ERP44: variants seen among roughly 807,000 people sequenced by gnomAD.
ERP44 encodes endoplasmic reticulum resident protein 44.
Under a neutral mutation model 53.4 loss-of-function variants are expected in ERP44, and 25 were observed. The observed-to-expected ratio is 0.47, with a 90% CI of 0.34 to 0.65. ERP44 has a LOEUF of 0.65. Among genes scored for constraint, ERP44 ranks in the 30% least tolerant of loss-of-function variants. The pLI is 0.01. For missense variants in ERP44, 338 were observed against 493.2 expected (o/e 0.69, Z 2.98); for synonymous variants, 145 against 161.2 (o/e 0.90, Z 0.76).
intron 1 of ERP44, among the ~76,000 whole-genome samples, chr9:100,094,805 T>C (rs992495340): frequency 1.8e-5 from 2 of 112,432 alleles, no homozygotes; most frequent in Admixed American, 2.2e-4. Flanking sequence ...TCTACAAAAA[T>C]TAAAAAAAAT....
chr9:99,991,930 A>T (rs1830260988), intron 10 of ERP44, among the ~76,000 whole-genome samples: 1 of 152,232 alleles, frequency 6.6e-6, no homozygotes, highest in Admixed American at 6.5e-5. Context: ...AAATGGATAA[A>T]TTCCTGGATG....
rs187838544 is a variant in ERP44, at chr9:100,061,329, A to G, written c.58-1157T>C. Among the ~76,000 whole-genome samples, 37 of 151,966 alleles carry G rather than the reference A, an allele frequency of 2.4e-4. No homozygotes were observed. The East Asian group carries it at 6.9e-3, about 29-fold the overall frequency. Reference sequence around the variant, plus strand: ...CATGGTGGCAGGTGCCCGTAGTCCCAGCTGCTCGGGAGGCTGAGGCAGGAG... The same window carrying G: ...CATGGTGGCAGGTGCCCGTAGTCCCGGCTGCTCGGGAGGCTGAGGCAGGAG... On this transcript the variant is annotated intron_variant, in intron 1 of 11. Transcript: ENST00000262455.
chr9:100,065,979 TG>T (rs1826206077), intron 1 of ERP44, among the ~76,000 whole-genome samples: 2 of 152,338 alleles, frequency 1.3e-5, no homozygotes, highest in South Asian at 4.1e-4. Context: ...ATATTTAAAG[TG>T]TGGTCTCTGA....
intron 4 of ERP44, among the ~76,000 whole-genome samples, chr9:100,036,056 A>G (rs553635700): frequency 4.6e-5 from 7 of 152,344 alleles, no homozygotes; most frequent in African/African-American, 1.7e-4. Flanking sequence ...ATATACCCAA[A>G]GGAAAATAAA....
At chr9:100,079,139 G>A (rs970576538) in intron 1 of ERP44, among the ~76,000 whole-genome samples, 1 of 152,128 alleles carries the variant, frequency 6.6e-6, no homozygotes, top group Admixed American at 6.5e-5. Context: ...GGCTGGGAAA[G>A]GCAGACCCAC....
chr9:100,008,968 C>A (rs1393710290), intron 8 of ERP44, among the ~76,000 whole-genome samples: 1 of 152,006 alleles, frequency 6.6e-6, no homozygotes, highest in East Asian at 1.9e-4. Context: ...GTCCCAAACT[C>A]CTGGGCTCAA....
chr9:100,025,140 A>C (rs1830639421), intron 4 of ERP44, among the ~76,000 whole-genome samples: 1 of 152,180 alleles, frequency 6.6e-6, no homozygotes, highest in South Asian at 2.1e-4. Context: ...TCTAATTCAA[A>C]GCCTTTCCAC....
At chr9:100,041,442 G>A (rs111547957) in intron 4 of ERP44, among the ~76,000 whole-genome samples, 65 of 152,244 alleles carry the variant, frequency 4.3e-4, no homozygotes, top group African/African-American at 1.5e-3. Context: ...GGCTGAGGCT[G>A]GTGGATCACG....
intron 8 of ERP44, among the ~76,000 whole-genome samples, chr9:100,013,836 T>C (rs1228174098): frequency 6.6e-6 from 1 of 152,124 alleles, no homozygotes; most frequent in Non-Finnish European, 1.5e-5. Context: ...ACCAAAGACA[T>C]AGATAAAGAA....
intron 4 of ERP44, among the ~76,000 whole-genome samples, chr9:100,051,479 A>G (rs1357279875): frequency 6.6e-6 from 1 of 152,252 alleles, no homozygotes; most frequent in African/African-American, 2.4e-5. Flanking sequence ...CAACTTACAA[A>G]TAACTCAATG....
At chr9:100,000,153 C>G (rs1344494949) in intron 10 of ERP44, among the ~76,000 whole-genome samples, 1 of 151,976 alleles carries the variant, frequency 6.6e-6, no homozygotes, top group Admixed American at 6.6e-5. Flanking sequence ...TCTCCCAGGC[C>G]GGTGCAGTGG....
At chr9:100,091,393 T>G (rs1826554643) in intron 1 of ERP44, among the ~76,000 whole-genome samples, 1 of 152,240 alleles carries the variant, frequency 6.6e-6, no homozygotes, top group Non-Finnish European at 1.5e-5. Context: ...ATCTGAAGGC[T>G]AGTTAGAACC....
intron 10 of ERP44, among the ~76,000 whole-genome samples, chr9:99,996,618 GT>G (rs1328847071): frequency 1.3e-5 from 2 of 151,762 alleles, no homozygotes; most frequent in African/African-American, 4.8e-5. Context: ...TGAGATTTTG[GT>G]GCACCCATCA....
intron 1 of ERP44, among the ~76,000 whole-genome samples, chr9:100,074,309 C>A (rs898677404): frequency 2.0e-5 from 3 of 152,090 alleles, no homozygotes; most frequent in Non-Finnish European, 4.4e-5. Context: ...TGCCTGGTGC[C>A]AAAAACGTTC....
chr9:99,982,577 G>T lies in ERP44; in HGVS notation c.*35C>A. On this transcript the variant is annotated 3_prime_UTR_variant, in exon 12 of 12. Coordinates refer to ENST00000262455, the MANE Select transcript of ERP44 (RefSeq NM_015051.3). The stretch of plus-strand genomic sequence containing the variant: ...TATTTCCACCACGTAGGTTGATGCT[G>T]CTGTTGAAAGGCTTACAAACTGTTT... 1 of 1,066,418 alleles carries T rather than the reference G, an allele frequency of 9.4e-7. No individual in the cohort carries two copies. Among genetic ancestry groups the T allele is most frequent in the Non-Finnish European group, 1.3e-6 (1 of 743,168 alleles). 66.1% of individuals were successfully genotyped at this position (1,066,418 alleles called of 1,614,324 possible).
intron 5 of ERP44, among the ~76,000 whole-genome samples, chr9:100,021,559 C>A (rs1830589729): frequency 6.6e-6 from 1 of 152,186 alleles, no homozygotes; most frequent in African/African-American, 2.4e-5. Context: ...AAAGCCCAAA[C>A]TCAATTGTTT....
intron 1 of ERP44, among the ~76,000 whole-genome samples, chr9:100,085,621 TGG>T: frequency 6.6e-6 from 1 of 152,232 alleles, no homozygotes; most frequent in South Asian, 2.1e-4. Context: ...CCACACTGGC[TGG>T]GTGCAGTGGC....
At chr9:100,081,777 C>A (rs1466623161) in intron 1 of ERP44, among the ~76,000 whole-genome samples, 1 of 152,070 alleles carries the variant, frequency 6.6e-6, no homozygotes, top group Non-Finnish European at 1.5e-5. Flanking sequence ...TTAAGAACAC[C>A]ATTATTTAAC....
intron 8 of ERP44, among the ~76,000 whole-genome samples, chr9:100,011,836 C>G (rs1341024452): frequency 2.6e-5 from 4 of 152,132 alleles, no homozygotes; most frequent in Non-Finnish European, 5.9e-5. Flanking sequence ...AAATGCCAAG[C>G]TGTCATATAG....
Sources: gnomAD v4.1 joint callset for allele counts (sites outside exome capture counted in the v4.1 genomes callset) on GRCh38, gnomAD v4.1.1 for gene constraint, MANE v1.5 for transcripts, NCBI Gene and HGNC (gene_info 2026-07-23, HGNC 2026-07-21) for gene names.